Variants in LGSN observed in about 807,000 individuals in gnomAD.
The protein encoded by LGSN is lengsin, lens protein with glutamine synthetase domain.
Under a neutral mutation model 19.5 loss-of-function variants are expected in LGSN, and 21 were observed. The observed-to-expected ratio is 1.07, with a 90% CI of 0.76 to 1.55. The LOEUF (loss-of-function observed/expected upper bound fraction) is 1.55, where lower values mean the gene tolerates loss of function less well. LGSN is among the 40% of genes most tolerant of loss of function. The pLI, the probability that LGSN is intolerant of heterozygous loss-of-function variation, is 0.00. For synonymous variants in LGSN, 257 were observed against 215.6 expected (o/e 1.19, Z -1.68); for missense variants, 673 against 608.5 (o/e 1.11, Z -1.12).
chr6:63,520,207 T>C, the LGSN span, among the ~76,000 whole-genome samples: 4 of 152,240 alleles, frequency 2.6e-5, no homozygotes, highest in African/African-American at 9.6e-5. Context: ...ATTCTACAAT[T>C]GGGAATATTT....
the LGSN span, among the ~76,000 whole-genome samples, chr6:63,355,646 C>T: frequency 2.6e-5 from 4 of 152,158 alleles, no homozygotes; most frequent in African/African-American, 7.2e-5. Flanking sequence ...TTTGGCATTC[C>T]TTGGCTTGTA....
the LGSN span, among the ~76,000 whole-genome samples, chr6:63,450,550 CAAA>C: frequency 7.5e-6 from 1 of 132,776 alleles, no homozygotes; most frequent in Admixed American, 7.5e-5. Context: ...AACTCCACCT[CAAA>C]AAAAAAAAGA....
chr6:63,497,335 G>A, the LGSN span, among the ~76,000 whole-genome samples: 1 of 152,044 alleles, frequency 6.6e-6, no homozygotes, highest in African/African-American at 2.4e-5. Flanking sequence ...GATCACCTGA[G>A]GCCAGGAGTT....
At chr6:63,533,001 C>T in the LGSN span, among the ~76,000 whole-genome samples, 1 of 152,180 alleles carries the variant, frequency 6.6e-6, no homozygotes, top group South Asian at 2.1e-4. Flanking sequence ...TATCACCAGA[C>T]ACTGCCTTTG....
chr6:63,514,189 C>T, the LGSN span, among the ~76,000 whole-genome samples: 1 of 152,112 alleles, frequency 6.6e-6, no homozygotes, highest in Non-Finnish European at 1.5e-5. Context: ...TGCTCTGACC[C>T]TTGATCTGTT....
At chr6:63,505,795 G>A in the LGSN span, among the ~76,000 whole-genome samples, 1 of 152,038 alleles carries the variant, frequency 6.6e-6, no homozygotes, top group Non-Finnish European at 1.5e-5. Context: ...AAGTAGCTGG[G>A]ACTATAGGTG....
the LGSN span, among the ~76,000 whole-genome samples, chr6:63,335,152 A>G: frequency 2.0e-5 from 3 of 151,932 alleles, no homozygotes; most frequent in East Asian, 3.9e-4. Flanking sequence ...CAAAAAAAAA[A>G]AAAAAAAAAT....
the LGSN span, among the ~76,000 whole-genome samples, chr6:63,544,768 T>G: frequency 2.0e-5 from 3 of 152,154 alleles, no homozygotes; most frequent in Admixed American, 1.3e-4. Context: ...ATCTCTGAAG[T>G]GATGTTATTT....
At chr6:63,422,407 C>G in the LGSN span, among the ~76,000 whole-genome samples, 1 of 152,020 alleles carries the variant, frequency 6.6e-6, no homozygotes, top group Non-Finnish European at 1.5e-5. Context: ...ACAAAATATA[C>G]CATTCTAATG....
At chr6:63,300,559 G>A (rs144921173) in intron 1 of LGSN, among the ~76,000 whole-genome samples, 4,955 of 152,096 alleles carry the variant, frequency 0.033, 269 homozygotes, top group African/African-American at 0.11. Context: ...CCAGCTACTC[G>A]GGAGGCTGAG....
the LGSN span, among the ~76,000 whole-genome samples, chr6:63,414,922 T>A: frequency 5.9e-5 from 9 of 151,984 alleles, no homozygotes; most frequent in East Asian, 3.9e-4. Context: ...TTAAAAAAAA[T>A]TAAATTAAAA....
the LGSN span, among the ~76,000 whole-genome samples, chr6:63,427,816 T>G: frequency 6.6e-6 from 1 of 152,182 alleles, no homozygotes; most frequent in Non-Finnish European, 1.5e-5. Flanking sequence ...TCTGGCTCCC[T>G]CAAAACTCTG....
chr6:63,388,426 T>C, the LGSN span, among the ~76,000 whole-genome samples: 2 of 152,088 alleles, frequency 1.3e-5, no homozygotes, highest in African/African-American at 4.8e-5. Flanking sequence ...TATTTAGAGA[T>C]AGCATCTTTA....
the LGSN span, among the ~76,000 whole-genome samples, chr6:63,348,836 C>T: frequency 6.6e-6 from 1 of 151,162 alleles, no homozygotes; most frequent in African/African-American, 2.4e-5. Flanking sequence ...AGCAATCCTC[C>T]TGCCTCGCCT....
At chr6:63,353,715 T>C in the LGSN span, among the ~76,000 whole-genome samples, 1 of 151,820 alleles carries the variant, frequency 6.6e-6, no homozygotes. Flanking sequence ...AGAACAAAGC[T>C]GCAGACATCA....
At chr6:63,454,621 G>A in the LGSN span, among the ~76,000 whole-genome samples, 17 of 151,266 alleles carry the variant, frequency 1.1e-4, no homozygotes, top group South Asian at 1.3e-3. Flanking sequence ...ACAGGCGCCC[G>A]CCACCATCCC....
chr6:63,311,416 A>G (rs973343477), intron 1 of LGSN, among the ~76,000 whole-genome samples: 1 of 152,214 alleles, frequency 6.6e-6, no homozygotes, highest in Non-Finnish European at 1.5e-5. Flanking sequence ...ATTGATGTGG[A>G]TGATCTGCCA....
the LGSN span, among the ~76,000 whole-genome samples, chr6:63,408,583 G>C: frequency 6.7e-6 from 1 of 149,828 alleles, no homozygotes; most frequent in East Asian, 1.9e-4. Context: ...AACCCTAGAA[G>C]AAAACCTAGG....
the LGSN span, among the ~76,000 whole-genome samples, chr6:63,366,016 T>C: frequency 6.6e-6 from 1 of 152,180 alleles, no homozygotes; most frequent in African/African-American, 2.4e-5. Flanking sequence ...GCATTCCCTT[T>C]GAAAACTGGC....
Sources: gnomAD v4.1 joint callset for allele counts (sites outside exome capture counted in the v4.1 genomes callset) on GRCh38, gnomAD v4.1.1 for gene constraint, MANE v1.5 for transcripts, NCBI Gene and HGNC (gene_info 2026-07-23, HGNC 2026-07-21) for gene names.